Variants in FARS2 observed in about 807,000 individuals in gnomAD.
FARS2 encodes phenylalanyl-tRNA synthetase 2, mitochondrial, also known as phenylalanine--tRNA ligase, mitochondrial.
In FARS2, 40 loss-of-function variants were observed where a neutral mutation model predicts 46.4. The observed-to-expected ratio is 0.86, with a 90% CI of 0.67 to 1.12. The LOEUF is 1.12. Among genes scored for constraint, FARS2 ranks in the 50% most tolerant of loss-of-function variants. The probability of loss-of-function intolerance (pLI) is 0.00; values close to 1 mark genes in which losing one functional copy is unlikely to be tolerated. For missense variants in FARS2, 513 were observed against 567.9 expected, an observed-to-expected ratio of 0.90 and a Z score of 0.98; for synonymous variants, 234 against 214.9, an observed-to-expected ratio of 1.09 and a Z score of -0.78.
At chr6:5,677,555 AG>A (rs1422666807) in intron 6 of FARS2, among the ~76,000 whole-genome samples, 1 of 152,236 alleles carries the variant, frequency 6.6e-6, no homozygotes, top group Non-Finnish European at 1.5e-5. Context: ...CCAGTGCCAC[AG>A]GTAAGTCCCT....
chr6:5,534,658 C>G (rs78891072), intron 4 of FARS2, among the ~76,000 whole-genome samples: 5,516 of 152,198 alleles, frequency 0.036, 319 homozygotes, highest in African/African-American at 0.13. Flanking sequence ...ATCCATTCAT[C>G]TGTTGACAGA....
chr6:5,704,745 A>C (rs1758641272), intron 6 of FARS2, among the ~76,000 whole-genome samples: 1 of 152,246 alleles, frequency 6.6e-6, no homozygotes, highest in South Asian at 2.1e-4. Context: ...GATTTTATAA[A>C]AGCAGCCCCA....
At chr6:5,333,121 C>T (rs1016210985) in intron 1 of FARS2, among the ~76,000 whole-genome samples, 8 of 151,144 alleles carry the variant, frequency 5.3e-5, no homozygotes, top group Non-Finnish European at 3.0e-5. Flanking sequence ...TACTTTTTTA[C>T]TGTTTTAATG....
chr6:5,753,311 C>G (rs978817688), intron 6 of FARS2, among the ~76,000 whole-genome samples: 1 of 152,144 alleles, frequency 6.6e-6, no homozygotes, highest in Non-Finnish European at 1.5e-5. Context: ...GGTGCCCTCT[C>G]GGACATTTTT....
chr6:5,369,296 C>A, intron 2 of FARS2, 114 bp downstream of exon 2: 1 of 1,089,816 alleles, frequency 9.2e-7, no homozygotes. Context: ...CCTTATTTTG[C>A]CTTAGTGAAT....
At chr6:5,719,493 T>C (rs961307792) in intron 6 of FARS2, among the ~76,000 whole-genome samples, 2 of 141,224 alleles carry the variant, frequency 1.4e-5, no homozygotes, top group African/African-American at 5.3e-5. Context: ...CTGCCTGCTG[T>C]AGCTGAAAGA....
intron 3 of FARS2, among the ~76,000 whole-genome samples, chr6:5,413,961 C>G (rs568140015): frequency 6.6e-6 from 1 of 152,196 alleles, no homozygotes; most frequent in Non-Finnish European, 1.5e-5. Context: ...GATTACCAGC[C>G]CATCGGTTTC....
At position 5,471,887 on chromosome 6, in the gene FARS2, G is replaced by A. The variant is rs548125332; in HGVS notation, c.904+40715G>A. ...CGTACTGGTGGTTGCCATGGAGATC[G>A]CTAATACTGCTGAAACCCAAAGAAA... On this transcript the variant is annotated intron_variant, in intron 4 of 6. Coordinates refer to ENST00000274680, the MANE Select transcript of FARS2 (RefSeq NM_006567.5). The surrounding 1 kb of genome is among the most constrained non-coding windows in gnomAD (Gnocchi z 4.1). Among the ~76,000 whole-genome samples, 20 of 152,276 alleles carry A rather than the reference G, an allele frequency of 1.3e-4. No individual in the cohort carries two copies. The East Asian group carries it at 3.5e-3, about 26-fold the overall frequency.
intron 4 of FARS2, among the ~76,000 whole-genome samples, chr6:5,513,347 G>C (rs1405179018): frequency 6.6e-6 from 1 of 152,172 alleles, no homozygotes; most frequent in African/African-American, 2.4e-5. Flanking sequence ...ACATGTAGGA[G>C]GGACTCAGTC....
At position 5,556,196 on chromosome 6, in the gene FARS2, T is replaced by G. The variant is rs541610309; in HGVS notation, c.1065+10856T>G. On this transcript the variant is annotated intron_variant, in intron 5 of 6. Transcript: ENST00000274680. ...TTTAGCTTAATACTTTAATCCTAGTTAAACCTAACATGTTCCTTTTGCATA... is the reference window on the plus strand; with the variant it reads ...TTTAGCTTAATACTTTAATCCTAGTGAAACCTAACATGTTCCTTTTGCATA... Among the ~76,000 whole-genome samples, 5 of 152,242 alleles carry G rather than the reference T, an allele frequency of 3.3e-5. No homozygotes were observed. In the East Asian group the frequency reaches 9.6e-4, roughly 29 times the overall value.
At chr6:5,318,387 C>CAA (rs753113504) in intron 1 of FARS2, among the ~76,000 whole-genome samples, 3,082 of 77,070 alleles carry the variant, frequency 0.04, 166 homozygotes, top group African/African-American at 0.12. Flanking sequence ...AAAAAAAAAC[C>CAA]AAAAAAAAAA....
intron 5 of FARS2, among the ~76,000 whole-genome samples, chr6:5,555,130 C>G (rs139338534): frequency 6.6e-6 from 1 of 152,056 alleles, no homozygotes; most frequent in African/African-American, 2.4e-5. Flanking sequence ...GTAAGTCTCA[C>G]GACATCTGAT....
At chr6:5,446,847 C>A (rs765962988) in intron 4 of FARS2, among the ~76,000 whole-genome samples, 1 of 152,162 alleles carries the variant, frequency 6.6e-6, no homozygotes, top group Admixed American at 6.5e-5. Context: ...CCATTTCCCC[C>A]GCTGTGTCAT....
chr6:5,758,339 CT>C (rs1273788868), intron 6 of FARS2, among the ~76,000 whole-genome samples: 1 of 152,162 alleles, frequency 6.6e-6, no homozygotes, highest in Non-Finnish European at 1.5e-5. Flanking sequence ...AATTTTGGCT[CT>C]AAATGTTGCC....
intron 5 of FARS2, among the ~76,000 whole-genome samples, chr6:5,563,292 T>C (rs1772119685): frequency 1.3e-5 from 2 of 152,156 alleles, no homozygotes; most frequent in African/African-American, 4.8e-5. Flanking sequence ...ACAATAATGT[T>C]ATATACACGT....
At chr6:5,647,751 A>G (rs1777150099) in intron 6 of FARS2, among the ~76,000 whole-genome samples, 2 of 152,370 alleles carry the variant, frequency 1.3e-5, no homozygotes, top group East Asian at 1.9e-4. Flanking sequence ...GTTAAATGCA[A>G]ACACATGCTT....
intron 1 of FARS2, among the ~76,000 whole-genome samples, chr6:5,329,991 G>T (rs2127577256): frequency 6.6e-6 from 1 of 152,264 alleles, no homozygotes; most frequent in Admixed American, 6.5e-5. Context: ...CTCAGTTCTT[G>T]CTGTGATATT....
chr6:5,437,106 T>C (rs1197477611), intron 4 of FARS2, among the ~76,000 whole-genome samples: 1 of 152,192 alleles, frequency 6.6e-6, no homozygotes, highest in Non-Finnish European at 1.5e-5. Context: ...CTACCTGCTG[T>C]CATTATAGAT....
At chr6:5,726,679 C>T (rs1561823775) in intron 6 of FARS2, among the ~76,000 whole-genome samples, 1 of 152,200 alleles carries the variant, frequency 6.6e-6, no homozygotes. Flanking sequence ...GCAGAGCAGC[C>T]ATTGTTTTAG....
Sources: gnomAD v4.1 joint callset for allele counts (sites outside exome capture counted in the v4.1 genomes callset) on GRCh38, gnomAD v4.1.1 for gene constraint, Gnocchi (gnomAD v3.1) non-coding constraint, MANE v1.5 for transcripts, NCBI Gene and HGNC (gene_info 2026-07-23, HGNC 2026-07-21) for gene names.